ANK3: variants seen among roughly 807,000 people sequenced by gnomAD.
ANK3 encodes the protein ankyrin 3.
A neutral mutation model predicts 370.9 loss-of-function variants in ANK3; 57 were observed. The observed-to-expected ratio is 0.15, with a 90% CI of 0.12 to 0.19. ANK3 has a LOEUF of 0.19. Among genes scored for constraint, ANK3 ranks in the 10% least tolerant of loss-of-function variants. The pLI is 1.00. For synonymous variants in ANK3, 1,929 were observed against 1,946.3 expected, an observed-to-expected ratio of 0.99 and a Z score of 0.23; for missense variants, 4,439 against 5,302.1, an observed-to-expected ratio of 0.84 and a Z score of 5.06.
At chr10:60,095,771 G>A (rs2089992408) in intron 28 of ANK3, among the ~76,000 whole-genome samples, 1 of 152,216 alleles carries the variant, frequency 6.6e-6, no homozygotes, top group African/African-American at 2.4e-5. Flanking sequence ...TTATGTCCAT[G>A]TGTTTATAAC....
intron 18 of ANK3, among the ~76,000 whole-genome samples, chr10:60,173,786 G>T (rs2095853726): frequency 6.6e-6 from 1 of 152,114 alleles, no homozygotes; most frequent in African/African-American, 2.4e-5. Context: ...GAAAACCACT[G>T]ATTCACTGAT....
chr10:60,411,430 T>A (rs1396501109), intron 2 of ANK3, among the ~76,000 whole-genome samples: 1 of 152,180 alleles, frequency 6.6e-6, no homozygotes, highest in African/African-American at 2.4e-5. Flanking sequence ...TTCTTTTGTG[T>A]GTATGAGAAA....
chr10:60,281,814 G>A (rs2098167556), intron 1 of ANK3, among the ~76,000 whole-genome samples: 1 of 152,160 alleles, frequency 6.6e-6, no homozygotes, highest in African/African-American at 2.4e-5. Flanking sequence ...AGGTGTCTGA[G>A]AGCACACACA....
intron 2 of ANK3, among the ~76,000 whole-genome samples, chr10:60,463,828 C>A (rs2064948462): frequency 7.5e-6 from 1 of 133,878 alleles, no homozygotes; most frequent in African/African-American, 2.8e-5. Flanking sequence ...TCTTTCTCCT[C>A]TAGAAAGATT....
At chr10:60,363,602 C>T (rs1443767914) in intron 1 of ANK3, among the ~76,000 whole-genome samples, 1 of 152,232 alleles carries the variant, frequency 6.6e-6, no homozygotes, top group African/African-American at 2.4e-5. Flanking sequence ...GGCAACACTT[C>T]TCCGACTGTG....
At chr10:60,466,140 G>A (rs2065007607) in intron 2 of ANK3, among the ~76,000 whole-genome samples, 1 of 152,054 alleles carries the variant, frequency 6.6e-6, no homozygotes. Flanking sequence ...TATGAAAAAC[G>A]GGTATAGAAA....
chr10:60,229,527 C>A (rs933951756), intron 8 of ANK3, among the ~76,000 whole-genome samples: 1 of 152,170 alleles, frequency 6.6e-6, no homozygotes, highest in Admixed American at 6.5e-5. Flanking sequence ...AGTTACATTT[C>A]TGGGAAAGCA....
intron 42 of ANK3, among the ~76,000 whole-genome samples, chr10:60,046,230 TG>T (rs2076938497): frequency 6.6e-6 from 1 of 152,210 alleles, no homozygotes; most frequent in Admixed American, 6.5e-5. Flanking sequence ...TTCAAATGTT[TG>T]GAGAAAACCC....
chr10:60,733,465 A>G, exon 1 of ANK3: 1 of 688,396 alleles, frequency 1.5e-6, no homozygotes, highest in Non-Finnish European at 2.0e-6. Flanking sequence ...ACGCCCGCCC[A>G]GCGCGGCCTA....
At chr10:60,655,260 T>C (rs989409094) in intron 1 of ANK3, among the ~76,000 whole-genome samples, 8 of 151,740 alleles carry the variant, frequency 5.3e-5, no homozygotes, top group African/African-American at 1.9e-4. Context: ...CAGGTCCTTC[T>C]GGAAGTATTC....
chr10:60,354,232 G>C (rs922938485), intron 1 of ANK3, among the ~76,000 whole-genome samples: 1 of 152,124 alleles, frequency 6.6e-6, no homozygotes, highest in East Asian at 1.9e-4. Flanking sequence ...AAATGTGAGA[G>C]AAGATCTGAG....
At chr10:60,209,177 C>T (rs536915786) in intron 9 of ANK3, among the ~76,000 whole-genome samples, 16 of 152,272 alleles carry the variant, frequency 1.1e-4, no homozygotes, top group African/African-American at 3.9e-4. Flanking sequence ...ATTCAATTAT[C>T]AAGAGAGGCT....
At chr10:60,552,616 T>C (rs2077113274) in intron 2 of ANK3, among the ~76,000 whole-genome samples, 1 of 152,238 alleles carries the variant, frequency 6.6e-6, no homozygotes, top group South Asian at 2.1e-4. Context: ...TTTATGAACC[T>C]AGTTTGCTGT....
chr10:60,607,417 A>T (rs989449994), intron 2 of ANK3, among the ~76,000 whole-genome samples: 4 of 151,270 alleles, frequency 2.6e-5, no homozygotes, highest in Non-Finnish European at 5.9e-5. Context: ...TTCTAATATA[A>T]AAAAAAAATT....
At chr10:60,186,999 A>T in intron 16 of ANK3, 87 bp from the exon 17 acceptor site, 1 of 1,310,358 alleles carries the variant, frequency 7.6e-7, no homozygotes, top group Non-Finnish European at 1.1e-6. Flanking sequence ...GTCTCTTTCT[A>T]GTGGTTTTCT....
At chr10:60,109,533 T>C (rs1417108214) in intron 26 of ANK3, among the ~76,000 whole-genome samples, 3 of 152,192 alleles carry the variant, frequency 2.0e-5, no homozygotes, top group African/African-American at 2.4e-5. Flanking sequence ...TTTTTAATCA[T>C]ACCAACACTA....
chr10:60,663,889 A>G (rs544920250), intron 1 of ANK3, among the ~76,000 whole-genome samples: 6 of 152,296 alleles, frequency 3.9e-5, no homozygotes, highest in African/African-American at 1.4e-4. Flanking sequence ...GTTAGAACAG[A>G]GCAGATCCTA....
At chr10:60,650,157 T>C (rs551953058) in intron 1 of ANK3, among the ~76,000 whole-genome samples, 1 of 152,332 alleles carries the variant, frequency 6.6e-6, no homozygotes, top group Admixed American at 6.5e-5. Flanking sequence ...CTAGATAATT[T>C]GCTAAACTTA....
At chr10:60,081,871 AT>A (rs2085360756) in intron 35 of ANK3, 1 of 299,226 alleles carries the variant, frequency 3.3e-6, no homozygotes, top group Non-Finnish European at 6.2e-6. Flanking sequence ...TTTAACGTTT[AT>A]TTATACATGC....
Sources: gnomAD v4.1 joint callset for allele counts (sites outside exome capture counted in the v4.1 genomes callset) on GRCh38, gnomAD v4.1.1 for gene constraint, MANE v1.5 for transcripts, NCBI Gene and HGNC (gene_info 2026-07-23, HGNC 2026-07-21) for gene names.